SETD2: variants seen among roughly 807,000 people sequenced by gnomAD.
SETD2 encodes the protein SET domain containing 2, histone lysine methyltransferase.
In SETD2, 31 loss-of-function variants were observed where a neutral mutation model predicts 242.1. The observed-to-expected ratio is 0.13, with a 90% confidence interval of 0.10 to 0.17. SETD2 has a LOEUF of 0.17. Ranked by LOEUF, SETD2 falls within the 10% of genes least tolerant of loss-of-function variation. The probability of loss-of-function intolerance (pLI) is 1.00; values close to 1 mark genes in which losing one functional copy is unlikely to be tolerated. For missense variants in SETD2, 2,481 were observed against 3,046.3 expected (o/e 0.81, Z 4.37); for synonymous variants, 1,006 against 1,066.5 (o/e 0.94, Z 1.11).
At chr3:47,144,923 C>G (rs1317747856) in intron 1 of SETD2, among the ~76,000 whole-genome samples, 1 of 152,156 alleles carries the variant, frequency 6.6e-6, no homozygotes, top group African/African-American at 2.4e-5. Flanking sequence ...TGCACTCCAG[C>G]CTGGGCGACA....
Position 47,124,201 on chromosome 3 carries a change from C to G in SETD2, c.435G>C (p.Lys145Asn), listed in dbSNP as rs749274416. 11 of 1,551,710 alleles carry G rather than the reference C, an allele frequency of 7.1e-6. No individual in the cohort carries two copies. Among genetic ancestry groups the G allele is most frequent in the Non-Finnish European group, 9.6e-6 (11 of 1,147,022 alleles). Residue 145 changes from lysine to asparagine, a missense_variant, in exon 3 of 21, where the codon AAG becomes AAC. This residue lies in a region of SETD2 where 334 missense variants were observed against 374.5 expected (regional missense o/e 0.89). Coordinates refer to ENST00000409792, the MANE Select transcript of SETD2 (RefSeq NM_014159.7). ...TGGATGTTACATGAAGCAGATGTTT[C>G]TTAAAATGAATTTTGCCCAATTCCA... Reference protein sequence around the residue: ...SRVELGKIHFKKHLLHVTSRP... With the variant: ...SRVELGKIHFNKHLLHVTSRP...
rs1042855032 is a variant in SETD2, at chr3:47,150,023, A to C, written c.71+13831T>G. Among the ~76,000 whole-genome samples the C allele has an allele frequency of 1.8e-4, 17 of 96,760 alleles. No individual in the cohort carries two copies. The Admixed American group carries it at 1.9e-3, about 11-fold the overall frequency. 63.5% of individuals were successfully genotyped at this position (96,760 alleles called of 152,430 possible). ...TTTCAGTGTCTTTTGGCATATCCAA[A>C]AATACTTTTTTTTTTTTTTTTTTTT... is the stretch of plus-strand genomic sequence containing the variant. On this transcript the variant is annotated intron_variant, in intron 1 of 20. Transcript: ENST00000409792.
chr3:47,163,846 A>C lies in SETD2; in HGVS notation c.71+8T>G. ...ACAGCAGCGGGGGGCCGCGGAGCTG[A>C]TACTTACTCAGGGGTCGGGTGCTCC... On this transcript the variant is annotated splice_region_variant and intron_variant, in intron 1 of 20. Transcript: ENST00000409792. 1.5e-6 allele frequency: 2 copies of C among 1,292,248 alleles called. No individual in the cohort carries two copies. Among genetic ancestry groups the C allele is most frequent in the Non-Finnish European group, 9.9e-7 (1 of 1,012,854 alleles). 80.0% of individuals were successfully genotyped at this position (1,292,248 alleles called of 1,614,324 possible).
At chr3:47,064,715 CT>C in intron 13 of SETD2, 1 of 229,202 alleles carries the variant, frequency 4.4e-6, no homozygotes, top group Non-Finnish European at 9.5e-6. Context: ...AGGTTCTATG[CT>C]TTGTTTGACA....
chr3:47,061,338 T>A (rs892133047), intron 14 of SETD2, among the ~76,000 whole-genome samples: 2 of 152,024 alleles, frequency 1.3e-5, no homozygotes, highest in Non-Finnish European at 1.5e-5. Flanking sequence ...GAATAGAGAA[T>A]GCAGATATAA....
At chr3:47,129,313 T>G (rs181436691) in intron 1 of SETD2, among the ~76,000 whole-genome samples, 37 of 152,306 alleles carry the variant, frequency 2.4e-4, no homozygotes, top group African/African-American at 8.4e-4. Context: ...TGTTAATAGA[T>G]AAAAATCAAA....
intron 11 of SETD2, among the ~76,000 whole-genome samples, chr3:47,085,133 A>G (rs1056713262): frequency 5.3e-5 from 8 of 152,164 alleles, no homozygotes; most frequent in Non-Finnish European, 1.2e-4. Context: ...CTGTAAACAC[A>G]AGCATATTTA....
intron 16 of SETD2, 116 bp from the exon 17 acceptor site, chr3:47,042,816 G>T: frequency 1.1e-6 from 1 of 939,870 alleles, no homozygotes; most frequent in African/African-American, 1.7e-5. Context: ...CTTAAAAAAA[G>T]GATAAAGGAA....
At chr3:47,068,660 C>T (rs1243115173) in intron 12 of SETD2, among the ~76,000 whole-genome samples, 1 of 152,084 alleles carries the variant, frequency 6.6e-6, no homozygotes, top group African/African-American at 2.4e-5. Context: ...CCATGCCCAG[C>T]TAATTTTTGT....
At position 47,018,206 on chromosome 3, in the gene SETD2, C is replaced by G. The variant is rs187851814; in HGVS notation, c.7432-467G>C. 1.1e-4 allele frequency among the ~76,000 whole-genome samples: 16 copies of G among 152,208 alleles called. No homozygotes were observed. The East Asian group carries it at 2.3e-3, about 22-fold the overall frequency. Reference sequence around the variant, plus strand: ...TACTTAGATTCTTTAAGTGGTCATACCACAGCATGTGAAGCAGATGGAAGC... The same window carrying G: ...TACTTAGATTCTTTAAGTGGTCATAGCACAGCATGTGAAGCAGATGGAAGC... On this transcript the variant is annotated intron_variant, in intron 19 of 20. Coordinates refer to ENST00000409792, the MANE Select transcript of SETD2 (RefSeq NM_014159.7).
chr3:47,042,726 G>C (rs1366049386), intron 16 of SETD2, 26 bp from the exon 17 acceptor site: 1 of 1,573,342 alleles, frequency 6.4e-7, no homozygotes, highest in East Asian at 2.2e-5. Flanking sequence ...ACACATTTTT[G>C]ATCAGTGATC....
chr3:47,082,096 T>C (rs994279017), intron 12 of SETD2, among the ~76,000 whole-genome samples: 2 of 152,218 alleles, frequency 1.3e-5, no homozygotes, highest in Non-Finnish European at 2.9e-5. Context: ...TAAATTACCA[T>C]GGTTACATCT....
At chr3:47,134,664 C>T (rs957162083) in intron 1 of SETD2, among the ~76,000 whole-genome samples, 1 of 151,850 alleles carries the variant, frequency 6.6e-6, no homozygotes, top group Non-Finnish European at 1.5e-5. Context: ...GAGTCTCACT[C>T]TGGTGCCCAG....
At chr3:47,053,537 T>C (rs919326680) in intron 15 of SETD2, among the ~76,000 whole-genome samples, 1 of 152,220 alleles carries the variant, frequency 6.6e-6, no homozygotes, top group African/African-American at 2.4e-5. Context: ...CTTTTATGTT[T>C]AGTATGCAGT....
intron 12 of SETD2, among the ~76,000 whole-genome samples, chr3:47,070,184 C>T (rs2040759824): frequency 6.6e-6 from 1 of 152,196 alleles, no homozygotes; most frequent in Non-Finnish European, 1.5e-5. Context: ...ACCAGAAACG[C>T]TTCTCAAAGA....
intron 16 of SETD2, among the ~76,000 whole-genome samples, chr3:47,045,836 C>T (rs1309382731): frequency 4.9e-5 from 7 of 143,734 alleles, no homozygotes; most frequent in East Asian, 2.1e-4. Context: ...AGTGCAGTGG[C>T]GCGATCTTAG....
intron 5 of SETD2, among the ~76,000 whole-genome samples, chr3:47,109,908 C>T (rs561548725): frequency 2.0e-5 from 3 of 151,644 alleles, no homozygotes; most frequent in African/African-American, 7.3e-5. Flanking sequence ...ATCACTTGAA[C>T]CCGGGAAGCA....
At chr3:47,116,829 TGC>T in intron 3 of SETD2, 75 bp from the exon 4 acceptor site, 2 of 1,072,848 alleles carry the variant, frequency 1.9e-6, no homozygotes, top group Non-Finnish European at 2.7e-6. Context: ...ATCAAATATG[TGC>T]CAAATCTCAT....
In SETD2 at chr3:47,126,628, A is replaced by C. The variant is rs1261418466; in HGVS notation, c.87+20T>G. 7.9e-7 allele frequency: 1 copy of C among 1,273,878 alleles called. No homozygotes were observed. Among genetic ancestry groups the C allele is most frequent in the African/African-American group, 1.5e-5 (1 of 67,494 alleles). 78.9% of individuals were successfully genotyped at this position (1,273,878 alleles called of 1,614,324 possible). ...TGGTCCATCTCATAATCATTGAATG[A>C]CTAGTTAAATTATACTTACCTCATT... On this transcript the variant is annotated intron_variant, in intron 2 of 20. Transcript: ENST00000409792.
Sources: allele counts gnomAD v4.1 joint callset (sites outside exome capture counted in the v4.1 genomes callset), GRCh38; gene constraint gnomAD v4.1.1; regional missense constraint gnomAD v4.1.1; transcripts MANE v1.5; gene names NCBI Gene and HGNC (gene_info 2026-07-23, HGNC 2026-07-21).